ACOT12: variants seen among roughly 807,000 people sequenced by gnomAD.
The protein encoded by ACOT12 is acyl-CoA thioesterase 12.
Under a neutral mutation model 67.7 loss-of-function variants are expected in ACOT12, and 51 were observed. The ratio of observed to expected loss-of-function variants is 0.75; its 90% confidence interval spans 0.60 to 0.95. The LOEUF (loss-of-function observed/expected upper bound fraction) is 0.95, where lower values mean the gene tolerates loss of function less well. ACOT12 is among the 40% of genes least tolerant of loss of function. The pLI, the probability that ACOT12 is intolerant of heterozygous loss-of-function variation, is 0.00. For synonymous variants in ACOT12, 251 were observed against 244.6 expected, an observed-to-expected ratio of 1.03 and a Z score of -0.24; for missense variants, 734 against 708.1, an observed-to-expected ratio of 1.04 and a Z score of -0.41.
intron 2 of ACOT12, among the ~76,000 whole-genome samples, chr5:81,379,803 T>C (rs1760527587): frequency 2.0e-5 from 3 of 152,188 alleles, no homozygotes. Context: ...GGTTCAATCA[T>C]GGCTCACTGG....
At chr5:81,389,383 T>C (rs1760807696) in intron 1 of ACOT12, among the ~76,000 whole-genome samples, 1 of 152,224 alleles carries the variant, frequency 6.6e-6, no homozygotes, top group South Asian at 2.1e-4. Context: ...CCTTCTGGTC[T>C]CCACTGTTTC....
intron 5 of ACOT12, among the ~76,000 whole-genome samples, chr5:81,356,869 C>T (rs925062293): frequency 1.3e-5 from 2 of 152,110 alleles, no homozygotes; most frequent in African/African-American, 2.4e-5. Flanking sequence ...CTCTCTCCCT[C>T]TAGCCAGAGT....
intron 11 of ACOT12, among the ~76,000 whole-genome samples, chr5:81,338,176 C>A (rs570260984): frequency 6.6e-6 from 1 of 152,316 alleles, no homozygotes; most frequent in African/African-American, 2.4e-5. Flanking sequence ...TTTCCAGGAA[C>A]AATTCTCCAA....
intron 2 of ACOT12, 143 bp from the exon 3 acceptor site, chr5:81,371,953 T>A: frequency 1.4e-6 from 1 of 698,862 alleles, no homozygotes. Flanking sequence ...TTCAGGTTAA[T>A]GATAATGGAA....
chr5:81,316,175 C>T, the ACOT12 span, among the ~76,000 whole-genome samples: 28 of 152,310 alleles, frequency 1.8e-4, no homozygotes, highest in South Asian at 6.2e-4. Context: ...AATTCACATA[C>T]GATAAAATTC....
chr5:81,347,268 C>T (rs1172111081), intron 6 of ACOT12, among the ~76,000 whole-genome samples: 1 of 152,148 alleles, frequency 6.6e-6, no homozygotes, highest in African/African-American at 2.4e-5. Context: ...TAGGTGCACA[C>T]CACTACACCA....
chr5:81,385,930 C>T (rs1250065473), intron 1 of ACOT12, 104 bp from the exon 2 acceptor site: 2 of 1,038,162 alleles, frequency 1.9e-6, no homozygotes, highest in African/African-American at 3.1e-5. Flanking sequence ...AGTCACCCAT[C>T]CCTCATTCAT....
At chr5:81,344,826 G>T in intron 8 of ACOT12, 65 bp downstream of exon 8, 1 of 1,575,566 alleles carries the variant, frequency 6.3e-7, no homozygotes, top group Admixed American at 1.7e-5. Context: ...CCGGTGGGAG[G>T]AGATTCTAGG....
intron 13 of ACOT12, among the ~76,000 whole-genome samples, chr5:81,331,592 C>A (rs745306454): frequency 1.3e-5 from 2 of 152,048 alleles, no homozygotes; most frequent in Admixed American, 6.5e-5. Flanking sequence ...AATAGAGAAC[C>A]CTGTAGGCTA....
At chr5:81,345,247 C>G (rs1347008573) in intron 7 of ACOT12, among the ~76,000 whole-genome samples, 1 of 152,038 alleles carries the variant, frequency 6.6e-6, no homozygotes, top group Admixed American at 6.5e-5. Flanking sequence ...TTTACAAGCC[C>G]CTAAGAGCAT....
downstream of ACOT12, among the ~76,000 whole-genome samples, chr5:81,327,599 C>A (rs1009041789): frequency 5.3e-5 from 8 of 152,204 alleles, no homozygotes; most frequent in African/African-American, 1.9e-4. Context: ...CAGCACCACA[C>A]CCAGCTAATT....
chr5:81,393,904 C>T (rs1760930381), intron 1 of ACOT12, 84 bp downstream of exon 1: 1 of 1,242,762 alleles, frequency 8.0e-7, no homozygotes, highest in East Asian at 3.4e-5. Flanking sequence ...ACCTTCCTCG[C>T]CTTCCTACCC....
chr5:81,369,584 C>T (rs1167997882), intron 3 of ACOT12, among the ~76,000 whole-genome samples: 1 of 152,140 alleles, frequency 6.6e-6, no homozygotes, highest in Non-Finnish European at 1.5e-5. Context: ...TGAAAGAGAA[C>T]AAAATTCTGC....
chr5:81,375,765 G>A (rs1760392264), intron 2 of ACOT12, among the ~76,000 whole-genome samples: 1 of 151,990 alleles, frequency 6.6e-6, no homozygotes, highest in African/African-American at 2.4e-5. Flanking sequence ...ACTGGTAAAG[G>A]GATCAATTCA....
intron 5 of ACOT12, among the ~76,000 whole-genome samples, chr5:81,357,606 A>G (rs528510690): frequency 4.4e-4 from 67 of 152,268 alleles, no homozygotes; most frequent in African/African-American, 1.3e-3. Flanking sequence ...GTTCCGGGCA[A>G]AAGGGTGGAG....
At chr5:81,359,268 G>A (rs1006853426) in intron 5 of ACOT12, among the ~76,000 whole-genome samples, 3 of 152,028 alleles carry the variant, frequency 2.0e-5, no homozygotes, top group African/African-American at 7.2e-5. Context: ...AGAAGATAGG[G>A]TCAGACAAAA....
chr5:81,366,324 A>C (rs73766225), intron 3 of ACOT12, among the ~76,000 whole-genome samples: 15,267 of 152,264 alleles, frequency 0.1, 874 homozygotes, highest in Middle Eastern at 0.14. Context: ...AGTAAAAAAT[A>C]TTAGATGCAA....
At chr5:81,348,740 T>C (rs1269921833) in intron 5 of ACOT12, among the ~76,000 whole-genome samples, 1 of 152,172 alleles carries the variant, frequency 6.6e-6, no homozygotes, top group Non-Finnish European at 1.5e-5. Flanking sequence ...AATTTTTGTA[T>C]TTTCAGTAGA....
At chr5:81,359,877 A>G (rs1202139366) in intron 5 of ACOT12, 26 bp downstream of exon 5, 1 of 1,589,958 alleles carries the variant, frequency 6.3e-7, no homozygotes, top group East Asian at 2.2e-5. Flanking sequence ...TATAGAATTA[A>G]AATTCTTATA....
Sources: allele counts gnomAD v4.1 joint callset (sites outside exome capture counted in the v4.1 genomes callset), GRCh38; gene constraint gnomAD v4.1.1; transcripts MANE v1.5; gene names NCBI Gene and HGNC (gene_info 2026-07-23, HGNC 2026-07-21).